GALNT14: variants seen among roughly 807,000 people sequenced by gnomAD.
The protein encoded by GALNT14 is polypeptide N-acetylgalactosaminyltransferase 14, also known as UDP-GalNAc:polypeptide N-acetylgalactosaminyltransferase 14.
A neutral mutation model predicts 77.5 loss-of-function variants in GALNT14; 60 were observed. The observed-to-expected ratio is 0.77, with a 90% CI of 0.63 to 0.96. GALNT14 has a LOEUF of 0.96. Ranked by LOEUF, GALNT14 falls within the 40% of genes least tolerant of loss-of-function variation. GALNT14 has a pLI of 0.00. For missense variants in GALNT14, 710 were observed against 731.0 expected (o/e 0.97, Z 0.33); for synonymous variants, 280 against 281.7 (o/e 0.99, Z 0.06).
intron 1 of GALNT14, among the ~76,000 whole-genome samples, chr2:31,058,933 T>G (rs1674413001): frequency 6.6e-6 from 1 of 152,190 alleles, no homozygotes; most frequent in African/African-American, 2.4e-5. Flanking sequence ...CAGATACAAA[T>G]GGCTCAACCA....
chr2:31,015,699 T>C (rs894205099), intron 1 of GALNT14, among the ~76,000 whole-genome samples: 1 of 152,222 alleles, frequency 6.6e-6, no homozygotes, highest in Non-Finnish European at 1.5e-5. Context: ...ACCACGTCTG[T>C]AGTATTTTTG....
chr2:31,108,942 C>T (rs1315893067), intron 1 of GALNT14, among the ~76,000 whole-genome samples: 1 of 152,226 alleles, frequency 6.6e-6, no homozygotes, highest in African/African-American at 2.4e-5. Context: ...CCAGCTGATA[C>T]TCTTGAGAAA....
chr2:31,038,338 C>T (rs929246226), intron 1 of GALNT14, among the ~76,000 whole-genome samples: 2 of 151,882 alleles, frequency 1.3e-5, no homozygotes, highest in African/African-American at 2.4e-5. Context: ...CAGTAATCCA[C>T]CTGCCTCAGC....
At chr2:30,994,778 A>G (rs568212680) in intron 1 of GALNT14, among the ~76,000 whole-genome samples, 2 of 152,260 alleles carry the variant, frequency 1.3e-5, no homozygotes, top group Non-Finnish European at 2.9e-5. Flanking sequence ...AATTTTCTAA[A>G]TAAGTTGTGA....
At chr2:31,024,180 A>G (rs2148466374) in intron 1 of GALNT14, among the ~76,000 whole-genome samples, 1 of 152,106 alleles carries the variant, frequency 6.6e-6, no homozygotes, top group East Asian at 1.9e-4. Flanking sequence ...ACTCCATGCC[A>G]TCTCCCAGCA....
intron 7 of GALNT14, 59 bp from the exon 8 acceptor site, chr2:30,945,001 A>G (rs1573010006): frequency 6.9e-7 from 1 of 1,447,640 alleles, no homozygotes; most frequent in East Asian, 2.3e-5. Flanking sequence ...CTCATTCTGC[A>G]CCCTCTCCAG....
chr2:30,967,783 T>C (rs1668103096), intron 2 of GALNT14, among the ~76,000 whole-genome samples: 1 of 152,194 alleles, frequency 6.6e-6, no homozygotes, highest in South Asian at 2.1e-4. Context: ...GTCCACCACA[T>C]AGCTCTGCCA....
chr2:30,907,276 T>C (rs1389299944), downstream of GALNT14, among the ~76,000 whole-genome samples: 2 of 151,992 alleles, frequency 1.3e-5, no homozygotes, highest in African/African-American at 4.8e-5. Context: ...CAGGAGCTGG[T>C]TTTTTGAAAG....
At chr2:31,115,910 A>G (rs1231578440) in intron 1 of GALNT14, among the ~76,000 whole-genome samples, 1 of 152,186 alleles carries the variant, frequency 6.6e-6, no homozygotes, top group Non-Finnish European at 1.5e-5. Context: ...AGTCCTAGCT[A>G]CTTGAGAAAC....
intron 1 of GALNT14, among the ~76,000 whole-genome samples, chr2:31,120,758 T>A (rs535993995): frequency 6.6e-6 from 1 of 152,168 alleles, no homozygotes; most frequent in Non-Finnish European, 1.5e-5. Context: ...GGTTTCACTA[T>A]GTTGGCCAGG....
intron 10 of GALNT14, among the ~76,000 whole-genome samples, chr2:30,931,829 T>A (rs115282427): frequency 0.021 from 3,267 of 152,036 alleles, 136 homozygotes; most frequent in African/African-American, 0.074. Context: ...CGAGGCCTCA[T>A]GTGGGGCCTT....
intron 1 of GALNT14, among the ~76,000 whole-genome samples, chr2:31,067,962 C>A (rs538267281): frequency 7.7e-4 from 117 of 152,228 alleles, no homozygotes; most frequent in Non-Finnish European, 1.2e-3. Context: ...CTGGAACCTG[C>A]TCTTCCTTCG....
At chr2:31,123,690 A>G (rs905371264) in intron 1 of GALNT14, among the ~76,000 whole-genome samples, 4 of 152,180 alleles carry the variant, frequency 2.6e-5, no homozygotes, top group Non-Finnish European at 4.4e-5. Context: ...TTAAACTTCA[A>G]CCACAGTTTT....
chr2:30,921,779 CA>C (rs35178348), intron 13 of GALNT14, among the ~76,000 whole-genome samples: 17,065 of 152,178 alleles, frequency 0.11, 1,205 homozygotes, highest in Non-Finnish European at 0.14. Flanking sequence ...CCTCAGGGGG[CA>C]TTTGGTCATG....
intron 3 of GALNT14, among the ~76,000 whole-genome samples, chr2:30,962,226 G>A (rs1667737419): frequency 6.6e-6 from 1 of 152,170 alleles, no homozygotes; most frequent in Non-Finnish European, 1.5e-5. Flanking sequence ...ATGATGTCAG[G>A]TAGTTATTAT....
At chr2:31,050,900 A>G (rs1673819729) in intron 1 of GALNT14, among the ~76,000 whole-genome samples, 1 of 151,808 alleles carries the variant, frequency 6.6e-6, no homozygotes, top group Admixed American at 6.6e-5. Context: ...CTCACTGGAG[A>G]GACAGCCTGT....
chr2:31,030,703 C>G (rs1672350705), intron 1 of GALNT14, among the ~76,000 whole-genome samples: 1 of 152,194 alleles, frequency 6.6e-6, no homozygotes, highest in South Asian at 2.1e-4. Context: ...TTCCAAATCT[C>G]AGGCACAGGC....
intron 2 of GALNT14, among the ~76,000 whole-genome samples, chr2:30,987,569 GCC>G (rs1275502674): frequency 2.0e-5 from 3 of 152,158 alleles, no homozygotes; most frequent in Non-Finnish European, 4.4e-5. Context: ...CGGAAATTAA[GCC>G]CCCAGGCCTC....
chr2:31,117,014 G>A (rs1649880259), intron 1 of GALNT14, among the ~76,000 whole-genome samples: 1 of 151,822 alleles, frequency 6.6e-6, no homozygotes, highest in Non-Finnish European at 1.5e-5. Context: ...TCCAGCCTGG[G>A]CAACAAGAGC....
Sources: allele counts gnomAD v4.1 joint callset (sites outside exome capture counted in the v4.1 genomes callset), GRCh38; gene constraint gnomAD v4.1.1; transcripts MANE v1.5; gene names NCBI Gene and HGNC (gene_info 2026-07-23, HGNC 2026-07-21).